Variants in ZNF559 observed in about 807,000 individuals in gnomAD.
ZNF559 encodes zinc finger protein 559.
In ZNF559, 17 loss-of-function variants were observed where a neutral mutation model predicts 14.2. The observed-to-expected ratio is 1.20, with a 90% confidence interval of 0.82 to 1.80. ZNF559 has a LOEUF of 1.80. ZNF559 is among the 40% of genes most tolerant of loss of function. The pLI is 0.00. For synonymous variants in ZNF559, 244 were observed against 212.4 expected (o/e 1.15, Z -1.29); for missense variants, 740 against 629.7 (o/e 1.18, Z -1.88).
intron 2 of ZNF559, among the ~76,000 whole-genome samples, chr19:9,329,853 G>T (rs191190285): frequency 6.6e-6 from 1 of 152,054 alleles, no homozygotes; most frequent in African/African-American, 2.4e-5. Flanking sequence ...TAGTAGAAAC[G>T]GGGTTTCACC....
At chr19:9,339,090 C>G (rs2067397962) in intron 4 of ZNF559, 103 bp from the exon 5 acceptor site, 4 of 1,526,328 alleles carry the variant, frequency 2.6e-6, no homozygotes, top group Non-Finnish European at 3.6e-6. Flanking sequence ...TGATAGGAGA[C>G]CAAAGAGTCT....
chr19:9,333,317 T>C (rs1229422155), intron 2 of ZNF559, among the ~76,000 whole-genome samples: 1 of 152,228 alleles, frequency 6.6e-6, no homozygotes, highest in Non-Finnish European at 1.5e-5. Context: ...TTTTTAGAAA[T>C]GGGACTTCTA....
intron 3 of ZNF559, 48 bp from the exon 4 acceptor site, chr19:9,338,446 G>A (rs771011261): frequency 1.4e-6 from 2 of 1,435,546 alleles, no homozygotes; most frequent in East Asian, 4.6e-5. Context: ...TGTGAGTATG[G>A]AAGCTATCAG....
Position 9,339,393 on chromosome 19 carries a change from T to C in ZNF559, c.160+74T>C, listed in dbSNP as rs902478107. On this transcript the variant is annotated intron_variant, in intron 5 of 6. Transcript: ENST00000603380. ...TGTCTTAAGTAACTATGTTCTAGAC[T>C]CTGCTTGTTAATGGGCTGCATTGGT... 1.3e-5 allele frequency: 20 copies of C among 1,495,130 alleles called. No individual in the cohort carries two copies. In the African/African-American group the frequency reaches 2.4e-4, roughly 18 times the overall value. 92.6% of individuals were successfully genotyped at this position (1,495,130 alleles called of 1,614,324 possible). A position where few individuals can be genotyped will look rare whatever the true frequency, so the allele number is the denominator to read the frequency against.
intron 2 of ZNF559, chr19:9,330,263 A>G (rs2066867342): frequency 6.6e-6 from 1 of 152,052 alleles, no homozygotes; most frequent in Non-Finnish European, 1.5e-5. Context: ...TCTGTCTTTG[A>G]CTTTTGACAA....
upstream of ZNF559, chr19:9,323,956 C>T: frequency 1.8e-6 from 1 of 569,968 alleles, no homozygotes; most frequent in Non-Finnish European, 3.1e-6. Flanking sequence ...CTTTGCTTTG[C>T]TGGGCGTTTT....
At chr19:9,329,323 G>A (rs2066812253) in intron 2 of ZNF559, among the ~76,000 whole-genome samples, 1 of 152,100 alleles carries the variant, frequency 6.6e-6, no homozygotes, top group African/African-American at 2.4e-5. Context: ...TCCAGTCATT[G>A]TTGAAAGTGG....
In ZNF559 at chr19:9,345,470, A is replaced by G. The variant is rs2067707708; in HGVS notation, c.*2402A>G. 6.6e-6 allele frequency: 1 copy of G among 152,084 alleles called. No individual in the cohort carries two copies. Among genetic ancestry groups the G allele is most frequent in the African/African-American group, 2.4e-5 (1 of 41,424 alleles). 9.4% of individuals were successfully genotyped at this position (152,084 alleles called of 1,614,324 possible). A position where few individuals can be genotyped will look rare whatever the true frequency, so the allele number is the denominator to read the frequency against. On this transcript the variant is annotated 3_prime_UTR_variant, in exon 7 of 7. Transcript: ENST00000603380. ...ATCCTTGCCAATTATTGGTATGGTC[A>G]GTCTTTTTTATTTTGACCATTTTAA... is the stretch of plus-strand genomic sequence containing the variant.
rs139331319 is a variant in ZNF559, at chr19:9,342,810, T to G, written c.1359T>G (p.Ser453Arg). 3.7e-5 allele frequency: 60 copies of G among 1,613,806 alleles called. 1 individual carries two copies. The African/African-American group carries it at 7.1e-4, about 19-fold the overall frequency. Residue 453 changes from serine (S) to arginine (R), a missense_variant, in exon 7 of 7, where the codon AGT becomes AGG. By Grantham distance (110) the Ser-to-Arg change is moderately radical. Coordinates refer to ENST00000603380, the MANE Select transcript of ZNF559 (RefSeq NM_032497.3). ...CCTTTAGATACTCCTCGCACCTTAG[T>G]CAACATAAAAGAATACATACAGGGG... is the stretch of plus-strand genomic sequence containing the variant. ...GKAFRYSSHL[S>R]QHKRIHTGER... is the part of the protein sequence containing the mutation.
intron 2 of ZNF559, 137 bp from the exon 3 acceptor site, chr19:9,337,659 T>A: frequency 2.2e-6 from 1 of 447,364 alleles, no homozygotes; most frequent in South Asian, 3.3e-5. Context: ...TAACAAAAAC[T>A]GCTTTGATAA....
chr19:9,339,707 C>G (rs1033948014), intron 5 of ZNF559, among the ~76,000 whole-genome samples: 4 of 151,830 alleles, frequency 2.6e-5, no homozygotes, highest in Non-Finnish European at 4.4e-5. Flanking sequence ...TCAGAATGCC[C>G]AGACAGCAAA....
At position 9,342,374 on chromosome 19, in the gene ZNF559, GT is replaced by G. The variant is rs1192593382; in HGVS notation, c.926del (p.Phe309SerfsTer8). 4.3e-6 allele frequency: 7 copies of G among 1,610,188 alleles called. No homozygotes were observed. The African/African-American group carries it at 9.4e-5, about 22-fold the overall frequency. ...VCNECGKEFT[C>X]FSKLNIHIRV... ...AATGAATGTGGCAAAGAATTTACTT[GT>G]TTCTCAAAACTCAACATTCACATAA... is the stretch of plus-strand genomic sequence containing the variant. On this transcript the variant is annotated frameshift_variant, in exon 7 of 7. Coordinates refer to ENST00000603380, the MANE Select transcript of ZNF559 (RefSeq NM_032497.3). LOFTEE classifies it low-confidence loss of function (END_TRUNC).
At chr19:9,325,750 C>G (rs1352267652) in intron 2 of ZNF559, among the ~76,000 whole-genome samples, 1 of 149,256 alleles carries the variant, frequency 6.7e-6, no homozygotes, top group African/African-American at 2.5e-5. Context: ...TGCACCCTTG[C>G]ATTCCAGCCT....
intron 5 of ZNF559, among the ~76,000 whole-genome samples, chr19:9,340,733 ATTT>A (rs201367378): frequency 3.2e-5 from 4 of 124,648 alleles, no homozygotes; most frequent in African/African-American, 9.4e-5. Context: ...TGCCTGGCTA[ATTT>A]TTTTTTTTTT....
intron 5 of ZNF559, 112 bp from the exon 6 acceptor site, chr19:9,340,990 A>G (rs2067548840): frequency 2.5e-6 from 2 of 814,724 alleles, no homozygotes; most frequent in Non-Finnish European, 4.0e-6. Flanking sequence ...AAAACAAACT[A>G]TATTTCAAGC....
intron 4 of ZNF559, 71 bp from the exon 5 acceptor site, chr19:9,339,122 G>A: frequency 6.2e-7 from 1 of 1,603,766 alleles, no homozygotes; most frequent in Non-Finnish European, 8.5e-7. Context: ...GCCAAGACAA[G>A]GTCCCTCATT....
chr19:9,337,877 A>G lies in ZNF559; in HGVS notation c.-57+19A>G, dbSNP rs1283946857. ...ATTGACGGTATGAGGCAAGACTCCC[A>G]CTACTACTTAATCAAGAGGAATTGA... On this transcript the variant is annotated intron_variant, in intron 3 of 6. Coordinates refer to ENST00000603380, the MANE Select transcript of ZNF559 (RefSeq NM_032497.3). 10 of 1,525,882 alleles carry G rather than the reference A, an allele frequency of 6.6e-6. No homozygotes were observed. The highest frequency in any genetic ancestry group is 8.8e-6 in the Non-Finnish European group (10 of 1,140,928). 94.5% of individuals were successfully genotyped at this position (1,525,882 alleles called of 1,614,324 possible).
chr19:9,337,701 C>A, intron 2 of ZNF559, 95 bp from the exon 3 acceptor site: 1 of 859,180 alleles, frequency 1.2e-6, no homozygotes, highest in Non-Finnish European at 1.6e-6. Flanking sequence ...CTGTTTCTGG[C>A]ACATGGGTAC....
Position 9,342,771 on chromosome 19 carries a change from G to A in ZNF559, c.1320G>A (p.Glu440=). ...GTGCAGAAAGGCCTTTTGAATGTGA[G>A]GAATGTGGGAAAGCCTTTAGATACT... ...SHSAERPFEC[E]ECGKAFRYSS... is the part of the protein sequence containing the mutation. Residue 440 remains glutamate (E), a synonymous_variant, in exon 7 of 7, where the codon GAG becomes GAA. Transcript: ENST00000603380. 1.9e-6 allele frequency: 3 copies of A among 1,614,100 alleles called. No individual in the cohort carries two copies. The highest frequency in any genetic ancestry group is 1.6e-4 in the Middle Eastern group (1 of 6,062).
Sources: allele counts gnomAD v4.1 joint callset (sites outside exome capture counted in the v4.1 genomes callset), GRCh38; gene constraint gnomAD v4.1.1; transcripts MANE v1.5; gene names NCBI Gene and HGNC (gene_info 2026-07-23, HGNC 2026-07-21).